Variants in RGPD4 observed in about 807,000 individuals in gnomAD.
RGPD4 encodes the protein ranBP2-like and GRIP domain-containing protein 4.
A neutral mutation model predicts 141.1 loss-of-function variants in RGPD4; 84 were observed. The ratio of observed to expected loss-of-function variants is 0.60; its 90% confidence interval spans 0.50 to 0.71. The LOEUF (loss-of-function observed/expected upper bound fraction) is 0.71, where lower values mean the gene tolerates loss of function less well. RGPD4 is among the 30% of genes least tolerant of loss of function. The probability of loss-of-function intolerance (pLI) is 0.00; values close to 1 mark genes in which losing one functional copy is unlikely to be tolerated. For missense variants in RGPD4, 918 were observed against 1,622.4 expected (o/e 0.57, Z 7.46); for synonymous variants, 298 against 566.8 (o/e 0.53, Z 6.74).
chr2:107,880,009 G>T lies in RGPD4; in HGVS notation c.4966G>T (p.Val1656Phe), dbSNP rs1184373734. The change falls in exon 21 of 23, where the codon GTT becomes TTT. Residue 1656 changes from valine (V) to phenylalanine (F), a missense_variant. Val to Phe is a conservative substitution (Grantham distance 50, BLOSUM62 -1). Coordinates refer to ENST00000408999, the MANE Select transcript of RGPD4 (RefSeq NM_182588.3). ...WHAEFTKEEL[V>F]QKLSSTTKSA... ...TGCTGAATTTACCAAAGAAGAATTGGTTCAGAAGCTCAGTTCCACCACAAA... is the reference window on the plus strand; with the variant it reads ...TGCTGAATTTACCAAAGAAGAATTGTTTCAGAAGCTCAGTTCCACCACAAA... 1 of 1,611,394 alleles carries T rather than the reference G, an allele frequency of 6.2e-7. No individual in the cohort carries two copies. Among genetic ancestry groups the T allele is most frequent in the South Asian group, 1.1e-5 (1 of 90,982 alleles).
chr2:107,855,544 G>T (rs1360542287), intron 8 of RGPD4, among the ~76,000 whole-genome samples: 1 of 151,802 alleles, frequency 6.6e-6, no homozygotes, highest in Non-Finnish European at 1.5e-5. Context: ...CATCCCGAGG[G>T]TGCCTCTGTA....
At chr2:107,844,938 C>T (rs1207496062) in intron 6 of RGPD4, among the ~76,000 whole-genome samples, 6 of 128,382 alleles carry the variant, frequency 4.7e-5, no homozygotes, top group East Asian at 2.2e-4. Flanking sequence ...CGGGTTCAGG[C>T]GATTCTCCTG....
At chr2:107,865,400 C>T (rs1490697832) in intron 17 of RGPD4, among the ~76,000 whole-genome samples, 2 of 149,240 alleles carry the variant, frequency 1.3e-5, no homozygotes, top group Non-Finnish European at 3.0e-5. Flanking sequence ...AAGTGAAAAG[C>T]TAATTTGGGG....
At chr2:107,885,884 C>A (rs1051784576) in intron 22 of RGPD4, among the ~76,000 whole-genome samples, 10 of 151,750 alleles carry the variant, frequency 6.6e-5, no homozygotes, top group Admixed American at 6.6e-4. Flanking sequence ...GAAACCCCGT[C>A]TCTACTCAGA....
rs1454241063 is a variant in RGPD4 at position 107,871,792 on chromosome 2, T to TC, written c.3789dup (p.Ser1264GlnfsTer2). The TC allele has an allele frequency of 6.2e-7, 1 of 1,611,388 alleles. No individual in the cohort carries two copies. Among genetic ancestry groups the TC allele is most frequent in the Non-Finnish European group, 8.5e-7 (1 of 1,179,854 alleles). On this transcript the variant is annotated frameshift_variant, in exon 20 of 23. Transcript: ENST00000408999. LOFTEE classifies it high-confidence loss of function. The stretch of plus-strand genomic sequence containing the variant: ...AGGGAAGATGCTTTGGATGATAGTG[T>TC]CAGTAGTAGCTCAGTACATGCTTCT...
At chr2:107,849,355 G>A (rs1319812378) in intron 7 of RGPD4, among the ~76,000 whole-genome samples, 1 of 66,322 alleles carries the variant, frequency 1.5e-5, no homozygotes, top group Non-Finnish European at 2.8e-5. Context: ...CGCCTGGCGC[G>A]CCTGGCCTTT....
intron 12 of RGPD4, among the ~76,000 whole-genome samples, chr2:107,860,445 AC>A (rs1221467723): frequency 8.8e-6 from 1 of 113,348 alleles, no homozygotes; most frequent in Non-Finnish European, 1.7e-5. Flanking sequence ...ACACGGTGAA[AC>A]CCCGTCTCTA....
At chr2:107,875,641 G>C (rs1396235273) in intron 20 of RGPD4, among the ~76,000 whole-genome samples, 1 of 142,484 alleles carries the variant, frequency 7.0e-6, no homozygotes, top group Non-Finnish European at 1.5e-5. Flanking sequence ...ATTAATGGTG[G>C]CTGGGGATGG....
rs751735272 is a variant in RGPD4, at chr2:107,870,897, C to G, written c.2893C>G (p.Gln965Glu). The G allele has an allele frequency of 9.3e-6, 15 of 1,609,664 alleles. No individual in the cohort carries two copies. In the East Asian group the frequency reaches 2.9e-4, roughly 31 times the overall value. The change falls in exon 20 of 23, where the codon CAA (glutamine) becomes GAA (glutamate). Residue 965 changes from glutamine (Q) to glutamate (E), a missense_variant. Coordinates refer to ENST00000408999, the MANE Select transcript of RGPD4 (RefSeq NM_182588.3). Reference protein sequence around the residue: ...QKNGRGVIFGQTSSTFTFADV... With the variant: ...QKNGRGVIFGETSSTFTFADV... ...GAATGGCCGTGGTGTGATTTTTGGC[C>G]AAACAAGTAGCACTTTTACATTTGC...
chr2:107,858,427 T>TCTTTC (rs1682410300), intron 9 of RGPD4, among the ~76,000 whole-genome samples: 1 of 145,482 alleles, frequency 6.9e-6, no homozygotes, highest in Non-Finnish European at 1.5e-5. Flanking sequence ...TCTTTTCTTT[T>TCTTTC]CTTTTCTTTT....
In RGPD4 at chr2:107,872,205, C is replaced by A. The variant is rs762624505; in HGVS notation, c.4201C>A (p.Gln1401Lys). 1.2e-6 allele frequency: 2 copies of A among 1,611,354 alleles called. No homozygotes were observed. Among genetic ancestry groups the A allele is most frequent in the Middle Eastern group, 2.3e-4 (1 of 4,428 alleles). ...KQVRIVMRRD[Q>K]VLKLCANHTI... Reference sequence around the variant, plus strand: ...AGTTCGTATAGTGATGAGAAGGGACCAAGTATTAAAACTTTGTGCCAATCA... The same window carrying A: ...AGTTCGTATAGTGATGAGAAGGGACAAAGTATTAAAACTTTGTGCCAATCA... Residue 1401 changes from glutamine (Q) to lysine (K), a missense_variant, in exon 20 of 23, where the codon CAA becomes AAA. Physicochemically the swap from Gln to Lys is moderately conservative, Grantham distance 53. Coordinates refer to ENST00000408999, the MANE Select transcript of RGPD4 (RefSeq NM_182588.3).
chr2:107,869,806 G>T, intron 18 of RGPD4, 77 bp from the exon 19 acceptor site: 4 of 1,516,722 alleles, frequency 2.6e-6, no homozygotes, highest in South Asian at 1.3e-5. Context: ...TTTTGTATTT[G>T]TAGCTCTTGA....
chr2:107,878,727 A>G (rs1457603872), intron 20 of RGPD4, among the ~76,000 whole-genome samples: 2 of 84,918 alleles, frequency 2.4e-5, no homozygotes, highest in South Asian at 5.0e-4. Flanking sequence ...CCATCTGCAG[A>G]CTGAGGAGCA....
intron 6 of RGPD4, among the ~76,000 whole-genome samples, chr2:107,845,434 G>A (rs1344302148): frequency 6.7e-6 from 1 of 150,374 alleles, no homozygotes; most frequent in Non-Finnish European, 1.5e-5. Flanking sequence ...CTCAGAGGGG[G>A]AGGCTCAGGA....
At position 107,859,810 on chromosome 2, in the gene RGPD4, C is replaced by T. The variant is rs1335272282; in HGVS notation, c.1723C>T (p.Leu575=). ...GGAAAAACATGGCCTTCAACCTGCT[C>T]TGCTTGTACATTGGGCAAAATGCCT... ...AQEKHGLQPA[L]LVHWAKCLQK... is the part of the protein sequence containing the mutation. The change falls in exon 12 of 23, where the codon CTG becomes TTG. Residue 575 remains leucine (L), a synonymous_variant. Coordinates refer to ENST00000408999, the MANE Select transcript of RGPD4 (RefSeq NM_182588.3). The T allele has an allele frequency of 3.7e-6, 6 of 1,608,958 alleles. 1 individual carries two copies. Among genetic ancestry groups the T allele is most frequent in the South Asian group, 2.2e-5 (2 of 90,616 alleles).
Position 107,879,905 on chromosome 2 carries a change from AT to A in RGPD4, c.4925-60del. The A allele has an allele frequency of 1.9e-6, 3 of 1,587,404 alleles. No homozygotes were observed. In the South Asian group the frequency reaches 3.4e-5, roughly 18 times the overall value. The stretch of plus-strand genomic sequence containing the variant: ...AGATATTTATATTTAGATTTTTCTT[AT>A]TTAGAATCTTCATCTGTAATGTATG... On this transcript the variant is annotated intron_variant, in intron 20 of 22. Coordinates refer to ENST00000408999, the MANE Select transcript of RGPD4 (RefSeq NM_182588.3).
chr2:107,828,698 A>G (rs1297055043), intron 1 of RGPD4, among the ~76,000 whole-genome samples: 4 of 26,712 alleles, frequency 1.5e-4, no homozygotes, highest in Admixed American at 2.5e-4. Flanking sequence ...CTGTTGAGGC[A>G]GCGGCCTCGA....
chr2:107,829,532 C>T (rs1422984394), intron 1 of RGPD4, among the ~76,000 whole-genome samples: 2 of 141,160 alleles, frequency 1.4e-5, no homozygotes, highest in African/African-American at 2.8e-5. Context: ...TCTGTTGAGG[C>T]GGCGGCCTCG....
chr2:107,829,955 A>G (rs1446398781), intron 1 of RGPD4, among the ~76,000 whole-genome samples: 1 of 151,986 alleles, frequency 6.6e-6, no homozygotes, highest in East Asian at 1.9e-4. Flanking sequence ...GGACTGACGC[A>G]GCTCCGGGTG....
Sources: gnomAD v4.1 joint callset for allele counts (sites outside exome capture counted in the v4.1 genomes callset) on GRCh38, gnomAD v4.1.1 for gene constraint, MANE v1.5 for transcripts, NCBI Gene and HGNC (gene_info 2026-07-23, HGNC 2026-07-21) for gene names.